Variants in LCLAT1 observed in about 807,000 individuals in gnomAD.
LCLAT1 encodes the protein 1-AGP acyltransferase 8.
A neutral mutation model predicts 30.7 loss-of-function variants in LCLAT1; 11 were observed. The observed-to-expected ratio is 0.36, with a 90% CI of 0.23 to 0.59. The LOEUF (loss-of-function observed/expected upper bound fraction) is 0.59. Ranked by LOEUF, LCLAT1 falls within the 20% of genes least tolerant of loss-of-function variation. The pLI, the probability that LCLAT1 is intolerant of heterozygous loss-of-function variation, is 0.77. For synonymous variants in LCLAT1, 155 were observed against 151.3 expected (o/e 1.02, Z -0.18); for missense variants, 402 against 458.6 (o/e 0.88, Z 1.13).
At chr2:30,628,060 T>C (rs72863023) in intron 5 of LCLAT1, among the ~76,000 whole-genome samples, 6,414 of 152,258 alleles carry the variant, frequency 0.042, 445 homozygotes, top group African/African-American at 0.14. Context: ...AAAAAATTTG[T>C]AAGTTGGCTA....
intron 3 of LCLAT1, among the ~76,000 whole-genome samples, chr2:30,538,170 G>C (rs1690184718): frequency 1.3e-5 from 2 of 151,830 alleles, no homozygotes; most frequent in African/African-American, 4.8e-5. Context: ...CTATGAACTA[G>C]GAAAGCAAGA....
chr2:30,618,718 A>C (rs1668107453), intron 5 of LCLAT1, among the ~76,000 whole-genome samples: 1 of 152,332 alleles, frequency 6.6e-6, no homozygotes, highest in South Asian at 2.1e-4. Context: ...AGTTAAAAAA[A>C]ATAAAATTTC....
At chr2:30,534,219 C>CTGTGTG (rs57380693) in intron 3 of LCLAT1, among the ~76,000 whole-genome samples, 341 of 130,554 alleles carry the variant, frequency 2.6e-3, no homozygotes, top group South Asian at 8.3e-3. Flanking sequence ...AGTTGATTTA[C>CTGTGTG]TGTGTGTGTG....
chr2:30,621,408 C>G (rs142326151), intron 5 of LCLAT1, among the ~76,000 whole-genome samples: 5 of 152,134 alleles, frequency 3.3e-5, no homozygotes, highest in Non-Finnish European at 7.4e-5. Flanking sequence ...AGTGCCCTTA[C>G]AAGAAGGGAT....
At chr2:30,631,874 T>G (rs1206276985) in intron 5 of LCLAT1, among the ~76,000 whole-genome samples, 1 of 152,216 alleles carries the variant, frequency 6.6e-6, no homozygotes, top group East Asian at 1.9e-4. Flanking sequence ...TTCACATTGC[T>G]TCTTTAACTC....
chr2:30,497,688 G>T (rs1366433830), intron 1 of LCLAT1, among the ~76,000 whole-genome samples: 1 of 151,888 alleles, frequency 6.6e-6, no homozygotes, highest in Non-Finnish European at 1.5e-5. Flanking sequence ...CATAATCTAG[G>T]CCTCATTAAT....
chr2:30,531,480 G>A (rs1290577217), intron 2 of LCLAT1, among the ~76,000 whole-genome samples: 1 of 152,098 alleles, frequency 6.6e-6, no homozygotes, highest in Non-Finnish European at 1.5e-5. Flanking sequence ...TGTACACATT[G>A]ACATATCTTT....
chr2:30,564,218 AT>A (rs1451502409), intron 4 of LCLAT1, among the ~76,000 whole-genome samples: 1 of 152,100 alleles, frequency 6.6e-6, no homozygotes, highest in African/African-American at 2.4e-5. Flanking sequence ...TATCAGCTTT[AT>A]TTAATAAATA....
At position 30,619,526 on chromosome 2, in the gene LCLAT1, A is replaced by C. The variant is rs79404621; in HGVS notation, c.629-20591A>C. Reference sequence around the variant, plus strand: ...AGATATTCTAGTGCTAATAAAAAAGATACTTTACTCATGCACCTATTTTTA... The same window carrying C: ...AGATATTCTAGTGCTAATAAAAAAGCTACTTTACTCATGCACCTATTTTTA... On this transcript the variant is annotated intron_variant, in intron 5 of 5. Transcript: ENST00000379509. Among the ~76,000 whole-genome samples, 546 of 152,322 alleles carry C rather than the reference A, an allele frequency of 3.6e-3. 2 individuals are homozygous for C. The highest frequency in any genetic ancestry group is 0.011 in the African/African-American group (475 of 41,580).
rs1044631003 is a variant in LCLAT1, at chr2:30,520,736, C to T, written c.-4-4851C>T. Reference sequence around the variant, plus strand: ...AATAATCCAGAAAATTAGAATTCCCCGTATTATAAGAGAATAGTAAATATT... The same window carrying T: ...AATAATCCAGAAAATTAGAATTCCCTGTATTATAAGAGAATAGTAAATATT... On this transcript the variant is annotated intron_variant, in intron 1 of 5. Transcript: ENST00000379509. Among the ~76,000 whole-genome samples the T allele has an allele frequency of 5.3e-5, 8 of 151,986 alleles. No homozygotes were observed. In the East Asian group the frequency reaches 9.7e-4, roughly 18 times the overall value.
At chr2:30,546,222 G>A (rs940799221) in intron 3 of LCLAT1, among the ~76,000 whole-genome samples, 2 of 152,094 alleles carry the variant, frequency 1.3e-5, no homozygotes, top group African/African-American at 2.4e-5. Flanking sequence ...TCCTGTAGTG[G>A]GCTGCTTTCA....
intron 5 of LCLAT1, among the ~76,000 whole-genome samples, chr2:30,593,034 T>C (rs1252835021): frequency 6.6e-6 from 1 of 152,192 alleles, no homozygotes; most frequent in Non-Finnish European, 1.5e-5. Context: ...TTTTTGTACA[T>C]CTTAACCAAC....
chr2:30,521,280 C>T (rs777333558), intron 1 of LCLAT1, among the ~76,000 whole-genome samples: 6 of 152,084 alleles, frequency 3.9e-5, no homozygotes, highest in Non-Finnish European at 8.8e-5. Flanking sequence ...AACCAGCAGC[C>T]CTCAGGGCTG....
Position 30,639,883 on chromosome 2 carries a change from A to G in LCLAT1, c.629-234A>G, listed in dbSNP as rs115578660. Among the ~76,000 whole-genome samples, 1,470 of 152,312 alleles carry G rather than the reference A, an allele frequency of 9.7e-3. 27 individuals carry two copies. Among genetic ancestry groups the G allele is most frequent in the African/African-American group, 0.034 (1,395 of 41,550 alleles). On this transcript the variant is annotated intron_variant, in intron 5 of 5. Transcript: ENST00000379509. ...CAGATTACTGTTTCTGCAAATGAAG[A>G]TATTTTCTTTCTAAATATTTTGTGG...
At chr2:30,499,284 G>A (rs185806376) in intron 1 of LCLAT1, among the ~76,000 whole-genome samples, 82 of 152,264 alleles carry the variant, frequency 5.4e-4, no homozygotes, top group Middle Eastern at 6.8e-3. Flanking sequence ...GGGTTTAAGC[G>A]ATTCTCCTGC....
intron 5 of LCLAT1, among the ~76,000 whole-genome samples, chr2:30,574,782 C>T (rs540399338): frequency 3.9e-5 from 6 of 152,188 alleles, no homozygotes; most frequent in South Asian, 4.1e-4. Flanking sequence ...TGTCATGAAG[C>T]GCTGCAGAGT....
At chr2:30,510,316 G>A (rs1684878996) in intron 1 of LCLAT1, among the ~76,000 whole-genome samples, 1 of 152,170 alleles carries the variant, frequency 6.6e-6, no homozygotes, top group South Asian at 2.1e-4. Flanking sequence ...TGGCATGTCT[G>A]ACAGTGTTTT....
chr2:30,491,384 G>C (rs1389691878), intron 1 of LCLAT1, among the ~76,000 whole-genome samples: 1 of 152,206 alleles, frequency 6.6e-6, no homozygotes, highest in Non-Finnish European at 1.5e-5. Context: ...GGTAGGTACT[G>C]TTGTTACTCA....
chr2:30,627,708 T>G (rs949909044), intron 5 of LCLAT1, among the ~76,000 whole-genome samples: 1 of 152,156 alleles, frequency 6.6e-6, no homozygotes. Flanking sequence ...TCCTTTTAAC[T>G]ACAAAGACTG....
Sources: gnomAD v4.1 joint callset for allele counts (sites outside exome capture counted in the v4.1 genomes callset) on GRCh38, gnomAD v4.1.1 for gene constraint, MANE v1.5 for transcripts, NCBI Gene and HGNC (gene_info 2026-07-23, HGNC 2026-07-21) for gene names.